The following XRCC6 variants were observed in gnomAD, a reference collection of about 807,000 sequenced individuals.
XRCC6 encodes DNA repair protein Ku70.
Under a neutral mutation model 65.7 loss-of-function variants are expected in XRCC6, and 5 were observed. The observed-to-expected ratio is 0.08, with a 90% CI of 0.04 to 0.16. The LOEUF is 0.16. Among genes scored for constraint, XRCC6 ranks in the 10% least tolerant of loss-of-function variants. The pLI is 1.00. For synonymous variants in XRCC6, 270 were observed against 270.6 expected, an observed-to-expected ratio of 1.00 and a Z score of 0.02; for missense variants, 447 against 738.1, an observed-to-expected ratio of 0.61 and a Z score of 4.57.
At chr22:41,625,545 C>T (rs889629404) in intron 2 of XRCC6, among the ~76,000 whole-genome samples, 13 of 152,176 alleles carry the variant, frequency 8.5e-5, no homozygotes, top group Non-Finnish European at 1.9e-4. Context: ...ACATTATATA[C>T]CTTTTTAGGA....
At chr22:41,646,780 A>G (rs2067936366) in intron 6 of XRCC6, 116 bp from the exon 7 acceptor site, 1 of 867,020 alleles carries the variant, frequency 1.2e-6, no homozygotes, top group African/African-American at 1.7e-5. Context: ...ATATTTTGAG[A>G]GCTTGCTTAG....
intron 4 of XRCC6, 28 bp downstream of exon 4, chr22:41,636,279 C>T (rs991287719): frequency 1.3e-6 from 2 of 1,565,144 alleles, no homozygotes; most frequent in African/African-American, 1.4e-5. Context: ...ATCAGCTTTT[C>T]CCTTATATAT....
chr22:41,629,045 G>A (rs1202846711), intron 3 of XRCC6, among the ~76,000 whole-genome samples: 2 of 148,384 alleles, frequency 1.3e-5, no homozygotes, highest in Non-Finnish European at 3.0e-5. Flanking sequence ...TACTCAGCAT[G>A]TTTAGTCATT....
chr22:41,662,519 A>C (rs1442294141), intron 12 of XRCC6, among the ~76,000 whole-genome samples: 1 of 152,114 alleles, frequency 6.6e-6, no homozygotes, highest in Non-Finnish European at 1.5e-5. Context: ...TTATATCCAC[A>C]CTTACCTATC....
chr22:41,639,667 C>CTTTTTTTTTTTTTTTTTTTTTTTTTT (rs71184825), intron 6 of XRCC6, among the ~76,000 whole-genome samples: 2 of 81,050 alleles, frequency 2.5e-5, no homozygotes, highest in Non-Finnish European at 4.5e-5. Context: ...GATTCTCTCT[C>CTTTTTTTTTTTTTTTTTTTTTTTTTT]TTTTTTTTTT....
chr22:41,649,491 A>T (rs2067973512), intron 7 of XRCC6, among the ~76,000 whole-genome samples: 1 of 151,884 alleles, frequency 6.6e-6, no homozygotes, highest in African/African-American at 2.4e-5. Flanking sequence ...AGTAGTACTT[A>T]TATGTGTGTG....
intron 7 of XRCC6, chr22:41,648,157 A>G (rs1490586538): frequency 1.3e-5 from 2 of 151,410 alleles, no homozygotes; most frequent in African/African-American, 2.4e-5. Flanking sequence ...GTTGTGATCA[A>G]TTAGTTGTAA....
chr22:41,638,693 G>A (rs979222181), intron 6 of XRCC6, among the ~76,000 whole-genome samples: 13 of 145,430 alleles, frequency 8.9e-5, no homozygotes, highest in African/African-American at 2.3e-4. Flanking sequence ...GCTGAGAATC[G>A]CTTGAACCCA....
At chr22:41,645,022 T>G (rs2067917097) in intron 6 of XRCC6, among the ~76,000 whole-genome samples, 1 of 151,480 alleles carries the variant, frequency 6.6e-6, no homozygotes, top group Admixed American at 6.6e-5. Context: ...GACCTTGAGC[T>G]GGGGGCTGTG....
Position 41,658,175 on chromosome 22 carries a change from T to C in XRCC6, c.1422-77T>C. The C allele has an allele frequency of 4.9e-6, 7 of 1,438,024 alleles. No homozygotes were observed. The South Asian group carries it at 8.1e-5, about 17-fold the overall frequency. The allele number at this position is 1,438,024 out of a possible 1,614,324, so 89.1% of individuals were successfully genotyped here. ...CTCAGCTCACCCCGGACCTGTAGTA[T>C]CTCAGGTGGTTTTATTCTAATTTTT... On this transcript the variant is annotated intron_variant, in intron 10 of 12. Transcript: ENST00000360079.
chr22:41,621,926 C>T, intron 1 of XRCC6, 64 bp from the exon 2 acceptor site: 1 of 1,489,422 alleles, frequency 6.7e-7, no homozygotes, highest in Non-Finnish European at 9.4e-7. Flanking sequence ...CTCACAAGAA[C>T]CTAGAGGTCG....
intron 3 of XRCC6, 107 bp downstream of exon 3, chr22:41,628,337 T>C (rs2067701651): frequency 2.3e-6 from 2 of 873,950 alleles, no homozygotes. Context: ...GACGGGCAGA[T>C]CACTTGAGCC....
At chr22:41,649,141 T>A (rs372536440) in intron 7 of XRCC6, among the ~76,000 whole-genome samples, 8,508 of 97,660 alleles carry the variant, frequency 0.087, 413 homozygotes, top group Non-Finnish European at 0.1. Flanking sequence ...AAAAAAAAAA[T>A]ATATATATAT....
rs543994317 is a variant in XRCC6 at position 41,621,328 on chromosome 22, C to G, written c.-33C>G. ...ATTGTCGTCTTCTGTCCAAGTTGGT[C>G]GCTTCCCTGCGCCAAAGGTAAGCGG... On this transcript the variant is annotated 5_prime_UTR_variant, in exon 1 of 13. Transcript: ENST00000360079. 4 of 178,376 alleles carry G rather than the reference C, an allele frequency of 2.2e-5. No individual in the cohort carries two copies. Among genetic ancestry groups the G allele is most frequent in the African/African-American group, 9.5e-5 (4 of 41,886 alleles). The allele number at this position is 178,376 out of a possible 1,614,324, so 11.0% of individuals were successfully genotyped here. A position where few individuals can be genotyped will look rare whatever the true frequency, so the allele number is the denominator to read the frequency against.
intron 12 of XRCC6, 134 bp downstream of exon 12, chr22:41,661,578 C>G (rs145526051): frequency 6.8e-5 from 50 of 731,534 alleles, no homozygotes; most frequent in Non-Finnish European, 8.7e-5. Flanking sequence ...AAAAAACAGA[C>G]AATAACAAAT....
At chr22:41,636,471 A>G (rs2067810817) in intron 4 of XRCC6, 45 bp from the exon 5 acceptor site, 1 of 1,602,400 alleles carries the variant, frequency 6.2e-7, no homozygotes, top group Non-Finnish European at 8.5e-7. Flanking sequence ...AGCCACTGAC[A>G]TTCTTCTGAT....
intron 10 of XRCC6, 83 bp from the exon 11 acceptor site, chr22:41,658,169 G>A: frequency 7.1e-7 from 1 of 1,408,908 alleles, no homozygotes; most frequent in South Asian, 1.2e-5. Context: ...CCCCGGACCT[G>A]TAGTATCTCA....
chr22:41,634,832 C>T (rs920461562), intron 3 of XRCC6, among the ~76,000 whole-genome samples: 31 of 152,098 alleles, frequency 2.0e-4, no homozygotes, highest in South Asian at 8.3e-4. Context: ...CATGAGCCAC[C>T]GCGCCTGGGT....
chr22:41,661,166 AG>A (rs1277908039), intron 11 of XRCC6, among the ~76,000 whole-genome samples, 164 bp from the exon 12 acceptor site: 1 of 152,214 alleles, frequency 6.6e-6, no homozygotes, highest in East Asian at 1.9e-4. Context: ...CAGTAAATGC[AG>A]GTGTTGGAAG....
Sources: allele counts gnomAD v4.1 joint callset (sites outside exome capture counted in the v4.1 genomes callset), GRCh38; gene constraint gnomAD v4.1.1; transcripts MANE v1.5; gene names NCBI Gene and HGNC (gene_info 2026-07-23, HGNC 2026-07-21).